ATXN7: variants seen among roughly 807,000 people sequenced by gnomAD.
ATXN7 encodes ataxin-7.
ATXN7 carries 12 observed loss-of-function variants against 70.5 expected under a neutral mutation model. The ratio of observed to expected loss-of-function variants is 0.17; its 90% CI spans 0.11 to 0.28. The LOEUF is 0.28. ATXN7 is among the 10% of genes least tolerant of loss of function. The pLI is 1.00. For synonymous variants in ATXN7, 498 were observed against 448.7 expected, an observed-to-expected ratio of 1.11 and a Z score of -1.39; for missense variants, 1,256 against 1,131.7, an observed-to-expected ratio of 1.11 and a Z score of -1.58.
intron 1 of ATXN7, among the ~76,000 whole-genome samples, chr3:63,885,098 C>A (rs1244812880): frequency 1.3e-5 from 2 of 151,696 alleles, no homozygotes; most frequent in Non-Finnish European, 2.9e-5. Context: ...GCACAGGTAA[C>A]CAAAAAATAG....
At chr3:63,882,507 C>T (rs1376884040) in intron 1 of ATXN7, among the ~76,000 whole-genome samples, 3 of 151,484 alleles carry the variant, frequency 2.0e-5, no homozygotes, top group Non-Finnish European at 4.4e-5. Flanking sequence ...GTCTCAGTCT[C>T]GCAAGTAGTT....
intron 2 of ATXN7, chr3:63,905,275 A>G (rs887974043): frequency 1.3e-5 from 2 of 152,128 alleles, no homozygotes; most frequent in African/African-American, 2.4e-5. Context: ...CAGTGGCACA[A>G]TCTGGGCTCA....
chr3:63,951,938 C>T (rs2074960839), intron 4 of ATXN7, among the ~76,000 whole-genome samples: 1 of 152,170 alleles, frequency 6.6e-6, no homozygotes, highest in Admixed American at 6.5e-5. Flanking sequence ...ACCAGCAGTT[C>T]TATTCCTCTG....
chr3:63,993,512 C>T (rs1453222386), intron 11 of ATXN7, among the ~76,000 whole-genome samples: 1 of 151,464 alleles, frequency 6.6e-6, no homozygotes, highest in African/African-American at 2.4e-5. Context: ...GTCCTCCTGT[C>T]TCCTACATGC....
intron 8 of ATXN7, among the ~76,000 whole-genome samples, chr3:63,983,609 C>CT (rs1201242378): frequency 6.6e-6 from 1 of 151,574 alleles, no homozygotes; most frequent in Non-Finnish European, 1.5e-5. Flanking sequence ...AGACCCATCT[C>CT]TTTTAAGAGA....
At chr3:63,871,368 T>A (rs1476707690) in intron 1 of ATXN7, among the ~76,000 whole-genome samples, 1 of 152,180 alleles carries the variant, frequency 6.6e-6, no homozygotes, top group Non-Finnish European at 1.5e-5. Context: ...AGGGTTTCCT[T>A]CTTGTTAAAA....
chr3:63,930,134 G>A (rs774972009), intron 4 of ATXN7, among the ~76,000 whole-genome samples: 20 of 152,142 alleles, frequency 1.3e-4, no homozygotes, highest in Non-Finnish European at 2.5e-4. Context: ...TTCTGAAATA[G>A]TGCCGAGGAC....
chr3:63,865,922 A>AAG (rs1702408944), intron 1 of ATXN7, among the ~76,000 whole-genome samples: 1 of 149,582 alleles, frequency 6.7e-6, no homozygotes, highest in Non-Finnish European at 1.5e-5. Flanking sequence ...AAAAAAAAAA[A>AAG]AAAGAAAGTA....
intron 5 of ATXN7, among the ~76,000 whole-genome samples, chr3:63,976,972 G>A (rs1291699891): frequency 6.6e-6 from 1 of 152,224 alleles, no homozygotes; most frequent in Non-Finnish European, 1.5e-5. Context: ...TGTGGAAGGC[G>A]TGGGAAGGGT....
In ATXN7 at chr3:63,996,736, T is replaced by C. The variant is rs371526219; in HGVS notation, c.2661+253T>C. The C allele has an allele frequency of 1.2e-5, 6 of 501,722 alleles. No individual in the cohort carries two copies. In the South Asian group the frequency reaches 1.8e-4, roughly 15 times the overall value. 31.1% of individuals were successfully genotyped at this position (501,722 alleles called of 1,614,324 possible). A position where few individuals can be genotyped will look rare whatever the true frequency, so the allele number is the denominator to read the frequency against. On this transcript the variant is annotated intron_variant, in intron 12 of 12. Coordinates refer to ENST00000674280, the MANE Select transcript of ATXN7 (RefSeq NM_001377405.1). Reference sequence around the variant, plus strand: ...TCAGTAAAGAAACTACAGTAATGCATTTTTAGTAGAGCTGCAGAAAGCATC... The same window carrying C: ...TCAGTAAAGAAACTACAGTAATGCACTTTTAGTAGAGCTGCAGAAAGCATC...
chr3:63,968,971 C>T (rs1231267229), intron 5 of ATXN7, among the ~76,000 whole-genome samples: 2 of 152,148 alleles, frequency 1.3e-5, no homozygotes, highest in African/African-American at 4.8e-5. Flanking sequence ...TGTTGATTCT[C>T]TATAATTGAT....
intron 2 of ATXN7, among the ~76,000 whole-genome samples, chr3:63,907,587 T>A (rs533000396): frequency 1.8e-4 from 27 of 150,872 alleles, no homozygotes; most frequent in African/African-American, 6.6e-4. Context: ...GCCTCCCGAG[T>A]AGCTGGGACT....
intron 1 of ATXN7, chr3:63,867,046 A>G (rs1010301332): frequency 6.6e-6 from 1 of 152,012 alleles, no homozygotes; most frequent in Non-Finnish European, 1.5e-5. Context: ...ATAAAAAATT[A>G]TGAGAGAGCT....
chr3:63,930,176 G>C (rs1003261074), intron 4 of ATXN7, among the ~76,000 whole-genome samples: 3 of 152,120 alleles, frequency 2.0e-5, no homozygotes, highest in Non-Finnish European at 4.4e-5. Context: ...GCTTGATTTG[G>C]TAAAATTTAC....
chr3:63,889,563 C>A (rs1341877175), intron 1 of ATXN7, among the ~76,000 whole-genome samples: 1 of 152,118 alleles, frequency 6.6e-6, no homozygotes, highest in Non-Finnish European at 1.5e-5. Context: ...TCTTCAGATG[C>A]TGGTATACTA....
intron 1 of ATXN7, among the ~76,000 whole-genome samples, chr3:63,881,788 G>A (rs973012153): frequency 1.3e-5 from 2 of 152,086 alleles, no homozygotes; most frequent in African/African-American, 2.4e-5. Context: ...GCACCCAGCC[G>A]CTTGATTGGA....
At chr3:63,933,455 C>CT (rs1397754407) in intron 4 of ATXN7, among the ~76,000 whole-genome samples, 9 of 152,090 alleles carry the variant, frequency 5.9e-5, no homozygotes, top group Non-Finnish European at 1.0e-4. Context: ...AGGACATTAG[C>CT]TTTTTTAATC....
chr3:63,940,847 A>G (rs2074749064), intron 4 of ATXN7, among the ~76,000 whole-genome samples: 1 of 152,198 alleles, frequency 6.6e-6, no homozygotes, highest in African/African-American at 2.4e-5. Context: ...GGATGCAGAC[A>G]AGATTTATAA....
chr3:63,996,616 T>TA, intron 12 of ATXN7, 133 bp downstream of exon 12: 1 of 392,300 alleles, frequency 2.5e-6, no homozygotes, highest in Non-Finnish European at 3.7e-6. Context: ...TGGTGTCTTC[T>TA]TAAAAAAAAA....
Sources: gnomAD v4.1 joint callset for allele counts (sites outside exome capture counted in the v4.1 genomes callset) on GRCh38, gnomAD v4.1.1 for gene constraint, MANE v1.5 for transcripts, NCBI Gene and HGNC (gene_info 2026-07-23, HGNC 2026-07-21) for gene names.